ANXA1: variants seen among roughly 807,000 people sequenced by gnomAD.
ANXA1 encodes annexin I (lipocortin I).
Under a neutral mutation model 47.9 loss-of-function variants are expected in ANXA1, and 39 were observed. That is an observed-to-expected ratio of 0.81 (90% CI 0.63 to 1.06). The LOEUF (loss-of-function observed/expected upper bound fraction) is 1.06. Ranked by LOEUF, ANXA1 falls within the 50% of genes least tolerant of loss-of-function variation. The pLI is 0.00. For synonymous variants in ANXA1, 146 were observed against 142.5 expected, an observed-to-expected ratio of 1.02 and a Z score of -0.17; for missense variants, 446 against 422.7, an observed-to-expected ratio of 1.06 and a Z score of -0.48.
At chr9:73,154,113 A>G (rs1369900009) in intron 1 of ANXA1, 1 of 333,154 alleles carries the variant, frequency 3.0e-6, no homozygotes, top group Non-Finnish European at 5.9e-6. Flanking sequence ...AAAGCCTGGA[A>G]GCAAAACATT....
chr9:73,160,990 T>C, intron 6 of ANXA1, 97 bp downstream of exon 6: 1 of 778,894 alleles, frequency 1.3e-6, no homozygotes, highest in Non-Finnish European at 2.1e-6. Flanking sequence ...ATGGCAGCTT[T>C]GGAATCTCCA....
rs370059473 is a variant in ANXA1, at chr9:73,159,462, A to C, written c.270+39A>C. On this transcript the variant is annotated intron_variant, in intron 4 of 12. Transcript: ENST00000257497. ...GTAAATTTAGATATTTAATTTCAGC[A>C]TAGTTATACTTAACCATGGATTCGG... The C allele has an allele frequency of 3.2e-4, 496 of 1,558,810 alleles. 1 individual carries two copies. The highest frequency in any genetic ancestry group is 4.3e-4 in the Non-Finnish European group (485 of 1,131,972).
In ANXA1 at chr9:73,167,538, C is replaced by A; in HGVS notation, c.844C>A (p.Leu282Ile). ...CAAACCAGCTTTCTTTGCAGAGAAG[C>A]TTCATCAAGCCATGAAAGTATGTAC... is the stretch of plus-strand genomic sequence containing the variant. ...TSKPAFFAEK[L>I]HQAMKGVGTR... is the part of the protein sequence containing the mutation. The change falls in exon 11 of 13, where the codon CTT (leucine) becomes ATT (isoleucine). Residue 282 changes from leucine to isoleucine, a missense_variant. Transcript: ENST00000257497. 1 of 1,613,372 alleles carries A rather than the reference C, an allele frequency of 6.2e-7. No homozygotes were observed. Among genetic ancestry groups the A allele is most frequent in the Non-Finnish European group, 8.5e-7 (1 of 1,179,480 alleles).
At position 73,158,749 on chromosome 9, in the gene ANXA1, A is replaced by G; in HGVS notation, c.121A>G (p.Thr41Ala). 6.2e-7 allele frequency: 1 copy of G among 1,613,902 alleles called. No individual in the cohort carries two copies. Among genetic ancestry groups the G allele is most frequent in the African/African-American group, 1.3e-5 (1 of 75,014 alleles). Residue 41 changes from threonine (T) to alanine (A), a missense_variant, in exon 3 of 13, where the codon ACC becomes GCC. Thr to Ala is a moderately conservative substitution (Grantham distance 58). Coordinates refer to ENST00000257497, the MANE Select transcript of ANXA1 (RefSeq NM_000700.3). ...CGGATCAGCGGTGAGCCCCTATCCT[A>G]CCTTCAATCCATCCTCGGATGTCGC... ...GPGSAVSPYP[T>A]FNPSSDVAAL... is the part of the protein sequence containing the mutation.
Position 73,163,804 on chromosome 9 carries a change from TA to T in ANXA1, c.612+280del, listed in dbSNP as rs551579113. Among the ~76,000 whole-genome samples, 8 of 152,120 alleles carry T rather than the reference TA, an allele frequency of 5.3e-5. No homozygotes were observed. In the East Asian group the frequency reaches 9.6e-4, roughly 18 times the overall value. On this transcript the variant is annotated intron_variant, in intron 8 of 12. Coordinates refer to ENST00000257497, the MANE Select transcript of ANXA1 (RefSeq NM_000700.3). ...TTTGTCATTCCCAAGAATTGTTTGT[TA>T]AAAAAAACTCTGACCTTTCGTTGTA...
intron 9 of ANXA1, among the ~76,000 whole-genome samples, chr9:73,165,881 C>T (rs761199133): frequency 4.6e-5 from 7 of 151,984 alleles, no homozygotes; most frequent in African/African-American, 1.4e-4. Flanking sequence ...GCAAACATTT[C>T]GCCAAAATAT....
At chr9:73,158,497 A>C (rs774101805) in intron 1 of ANXA1, 25 bp from the exon 2 acceptor site, 1 of 1,590,018 alleles carries the variant, frequency 6.3e-7, no homozygotes, top group Non-Finnish European at 8.6e-7. Context: ...TGTTTTGTAA[A>C]AGCATCTAAC....
At chr9:73,167,274 TA>T (rs1205100446) in intron 10 of ANXA1, among the ~76,000 whole-genome samples, 1 of 152,028 alleles carries the variant, frequency 6.6e-6, no homozygotes. Context: ...TTTAAGGTAA[TA>T]AAAAAATTGA....
chr9:73,161,195 T>G, intron 6 of ANXA1, among the ~76,000 whole-genome samples: 1 of 152,140 alleles, frequency 6.6e-6, no homozygotes, highest in East Asian at 1.9e-4. Flanking sequence ...GAGCATTGAA[T>G]TTTTAAAAAT....
At chr9:73,164,913 G>C (rs1356459924) in intron 8 of ANXA1, among the ~76,000 whole-genome samples, 2 of 152,086 alleles carry the variant, frequency 1.3e-5, no homozygotes, top group Non-Finnish European at 2.9e-5. Context: ...GTGTTTACAA[G>C]GCACCTTGAG....
chr9:73,160,761 G>A, intron 5 of ANXA1, 42 bp from the exon 6 acceptor site: 1 of 1,495,488 alleles, frequency 6.7e-7, no homozygotes. Flanking sequence ...CTTGCATGAA[G>A]ATTTTTTTCT....
chr9:73,154,548 C>G (rs1230661214), intron 1 of ANXA1, among the ~76,000 whole-genome samples: 2 of 152,110 alleles, frequency 1.3e-5, no homozygotes, highest in Admixed American at 1.3e-4. Context: ...AAGTGATTCT[C>G]CTGCCTCAGC....
chr9:73,165,982 G>A (rs1220700192), intron 9 of ANXA1, 115 bp from the exon 10 acceptor site: 4 of 660,524 alleles, frequency 6.1e-6, no homozygotes, highest in Admixed American at 3.0e-5. Context: ...GCTTTAAAAG[G>A]TGTAGCCAAA....
intron 9 of ANXA1, chr9:73,165,540 A>C (rs533810506): frequency 1.6e-3 from 272 of 169,690 alleles, no homozygotes; most frequent in African/African-American, 6.3e-3. Flanking sequence ...AACAAAAAAA[A>C]AAAAACAAAA....
chr9:73,153,717 T>C (rs997139262), intron 1 of ANXA1, among the ~76,000 whole-genome samples: 3 of 151,990 alleles, frequency 2.0e-5, no homozygotes, highest in Non-Finnish European at 4.4e-5. Context: ...TTTTTTAAAA[T>C]ATTAGCAATG....
chr9:73,160,780 C>G (rs953008699), intron 5 of ANXA1, 23 bp from the exon 6 acceptor site: 4 of 1,569,408 alleles, frequency 2.5e-6, no homozygotes, highest in Non-Finnish European at 3.5e-6. Flanking sequence ...CTACATTTAT[C>G]CTTTTCTTCT....
In ANXA1 at chr9:73,158,722, C is replaced by T. The variant is rs1480879662; in HGVS notation, c.94C>T (p.Pro32Ser). The change falls in exon 3 of 13, where the codon CCC (proline) becomes TCC (serine). Residue 32 changes from proline to serine, a missense_variant. Pro to Ser is a moderately conservative substitution (Grantham distance 74). Coordinates refer to ENST00000257497, the MANE Select transcript of ANXA1 (RefSeq NM_000700.3). ...VQTVKSSKGG[P>S]GSAVSPYPTF... is the part of the protein sequence containing the mutation. The stretch of plus-strand genomic sequence containing the variant: ...AACTGTGAAGTCATCCAAAGGTGGT[C>T]CCGGATCAGCGGTGAGCCCCTATCC... 1.2e-6 allele frequency: 2 copies of T among 1,613,850 alleles called. No homozygotes were observed. The highest frequency in any genetic ancestry group is 8.5e-7 in the Non-Finnish European group (1 of 1,179,862).
At chr9:73,160,949 A>G in intron 6 of ANXA1, 56 bp downstream of exon 6, 1 of 1,201,658 alleles carries the variant, frequency 8.3e-7, no homozygotes, top group Admixed American at 1.9e-5. Flanking sequence ...AATCTAATAT[A>G]CTTTCTTAAA....
intron 10 of ANXA1, 37 bp from the exon 11 acceptor site, chr9:73,167,460 T>A (rs541971115): frequency 6.3e-7 from 1 of 1,588,474 alleles, no homozygotes; most frequent in Non-Finnish European, 8.6e-7. Flanking sequence ...ATTTTTTTCA[T>A]GGTAAATACA....
Sources: allele counts gnomAD v4.1 joint callset (sites outside exome capture counted in the v4.1 genomes callset), GRCh38; gene constraint gnomAD v4.1.1; transcripts MANE v1.5; gene names NCBI Gene and HGNC (gene_info 2026-07-23, HGNC 2026-07-21).